Variants in PARD3B observed in about 807,000 individuals in gnomAD.
PARD3B encodes the protein partitioning defective 3 homolog B.
PARD3B carries 103 observed loss-of-function variants against 130.2 expected under a neutral mutation model. That is an observed-to-expected ratio of 0.79 (90% confidence interval 0.67 to 0.93). The LOEUF (loss-of-function observed/expected upper bound fraction) is 0.93. PARD3B is among the 40% of genes least tolerant of loss of function. The probability of loss-of-function intolerance (pLI) is 0.00; values close to 1 mark genes in which losing one functional copy is unlikely to be tolerated. For synonymous variants in PARD3B, 583 were observed against 553.2 expected (o/e 1.05, Z -0.76); for missense variants, 1,609 against 1,499.2 (o/e 1.07, Z -1.21).
chr2:204,566,473 C>A lies in PARD3B; in HGVS notation c.120+20354C>A, dbSNP rs149535869. Among the ~76,000 whole-genome samples, 414 of 152,236 alleles carry A rather than the reference C, an allele frequency of 2.7e-3. 2 individuals carry two copies. Among genetic ancestry groups the A allele is most frequent in the African/African-American group, 8.6e-3 (357 of 41,528 alleles). ...TTTCTCCAGCTAATGCAGTATGATA[C>A]CCTATAAGGTCTTTCAGTGGCTTTT... On this transcript the variant is annotated intron_variant, in intron 1 of 22. Transcript: ENST00000406610.
At chr2:204,727,583 C>T (rs987586286) in intron 2 of PARD3B, among the ~76,000 whole-genome samples, 4 of 152,122 alleles carry the variant, frequency 2.6e-5, no homozygotes, top group Non-Finnish European at 5.9e-5. Flanking sequence ...GCCATCCTGG[C>T]AGGCTGGAAA....
chr2:204,878,048 A>T (rs2045908258), intron 2 of PARD3B, among the ~76,000 whole-genome samples: 1 of 152,176 alleles, frequency 6.6e-6, no homozygotes, highest in Non-Finnish European at 1.5e-5. Context: ...TTTTTAAAAT[A>T]AAAATGTTAT....
chr2:204,669,344 A>G lies in PARD3B; in HGVS notation c.121-16837A>G, dbSNP rs1358848576. 6.6e-6 allele frequency among the ~76,000 whole-genome samples: 1 copy of G among 152,140 alleles called. No homozygotes were observed. Among genetic ancestry groups the G allele is most frequent in the Non-Finnish European group, 1.5e-5 (1 of 68,010 alleles). ...ATAAGGAGTAATTTTTTTTACCTAT[A>G]CAAAATTGGATAATTTGTTTTGCTA... On this transcript the variant is annotated intron_variant, in intron 1 of 22. Coordinates refer to ENST00000406610, the MANE Select transcript of PARD3B (RefSeq NM_001302769.2). The surrounding 1 kb of genome is among the most constrained non-coding windows in gnomAD (Gnocchi z 4.3).
intron 3 of PARD3B, among the ~76,000 whole-genome samples, chr2:205,024,233 T>C (rs1423150967): frequency 2.0e-5 from 3 of 149,728 alleles, no homozygotes; most frequent in Non-Finnish European, 4.4e-5. Flanking sequence ...AGTGGCGCGT[T>C]CTTGGCTCTC....
In PARD3B at chr2:205,121,685, A is replaced by AT. The variant is rs2030745759; in HGVS notation, c.903dup (p.Gly302TrpfsTer4). On this transcript the variant is annotated frameshift_variant, in exon 8 of 23. Transcript: ENST00000406610. LOFTEE classifies it high-confidence loss of function. This position sits in a 1 kb window ranked among gnomAD's most constrained non-coding sequence, Gnocchi z 5.0. ...CCGTGAACAGTATGAAAAGTCAGTC[A>AT]TTGGCTCTCTTAACATTTTTGGTAA... is the stretch of plus-strand genomic sequence containing the variant. The AT allele has an allele frequency of 6.2e-7, 1 of 1,614,074 alleles. No homozygotes were observed. Among genetic ancestry groups the AT allele is most frequent in the Admixed American group, 1.7e-5 (1 of 60,004 alleles).
At chr2:204,649,132 T>TC (rs2035393617) in intron 1 of PARD3B, among the ~76,000 whole-genome samples, 1 of 147,770 alleles carries the variant, frequency 6.8e-6, no homozygotes, top group Non-Finnish European at 1.5e-5. Flanking sequence ...TGTCTACAGT[T>TC]CTTGCACCAT....
chr2:205,432,478 A>T (rs751502878), intron 19 of PARD3B, among the ~76,000 whole-genome samples: 3 of 149,756 alleles, frequency 2.0e-5, no homozygotes, highest in Non-Finnish European at 4.4e-5. Context: ...CCAAATTCTC[A>T]CTCCCTCACA....
intron 18 of PARD3B, among the ~76,000 whole-genome samples, chr2:205,348,846 A>G (rs1448624069): frequency 6.6e-6 from 1 of 150,736 alleles, no homozygotes; most frequent in Non-Finnish European, 1.5e-5. Flanking sequence ...ACTGGAATAG[A>G]TACAAAATAG....
chr2:205,425,268 T>G (rs957209311), intron 19 of PARD3B, among the ~76,000 whole-genome samples: 1 of 152,218 alleles, frequency 6.6e-6, no homozygotes, highest in Non-Finnish European at 1.5e-5. Context: ...AAATGTTTAC[T>G]AAGCATTTCT....
rs1394919103 is a variant in PARD3B at position 205,160,503 on chromosome 2, C to G, written c.1620+1596C>G. ...CCACTGGTCAAAGCAAGTCATATGG[C>G]TGAGTCCAAGGTTGAGCAGTAGAAA... On this transcript the variant is annotated intron_variant, in intron 11 of 22. Transcript: ENST00000406610. This position sits in a 1 kb window ranked among gnomAD's most constrained non-coding sequence, Gnocchi z 4.0. Among the ~76,000 whole-genome samples the G allele has an allele frequency of 6.6e-6, 1 of 152,184 alleles. No individual in the cohort carries two copies.
chr2:204,758,449 G>A (rs2040768252), intron 2 of PARD3B, among the ~76,000 whole-genome samples: 1 of 152,144 alleles, frequency 6.6e-6, no homozygotes, highest in Admixed American at 6.6e-5. Context: ...TTGGAAATGG[G>A]ACAAGTTCAC....
intron 22 of PARD3B, among the ~76,000 whole-genome samples, chr2:205,606,892 A>C (rs1189093746): frequency 1.3e-5 from 2 of 152,114 alleles, no homozygotes; most frequent in Non-Finnish European, 2.9e-5. Context: ...CTCCACCTGC[A>C]TCAGAATCAC....
intron 22 of PARD3B, among the ~76,000 whole-genome samples, chr2:205,603,653 C>T (rs1157912052): frequency 1.3e-5 from 2 of 152,144 alleles, no homozygotes; most frequent in Admixed American, 1.3e-4. Flanking sequence ...TCTGTTTTGT[C>T]AGAAACCAGA....
chr2:205,322,672 A>T (rs1007412730), intron 18 of PARD3B, among the ~76,000 whole-genome samples: 4 of 152,102 alleles, frequency 2.6e-5, no homozygotes, highest in African/African-American at 9.7e-5. Context: ...AATATGAAGG[A>T]GTAGTAACGT....
chr2:205,176,686 G>A lies in PARD3B; in HGVS notation c.1924+109G>A. The stretch of plus-strand genomic sequence containing the variant: ...TAAAGGGGAGTTAATTAGACTAAGT[G>A]CAGACTTTGTTACTCGGAGTCACAA... On this transcript the variant is annotated intron_variant, in intron 13 of 22. Coordinates refer to ENST00000406610, the MANE Select transcript of PARD3B (RefSeq NM_001302769.2). The surrounding 1 kb of genome is among the most constrained non-coding windows in gnomAD (Gnocchi z 5.3). The A allele has an allele frequency of 1.6e-6, 2 of 1,221,076 alleles. No homozygotes were observed. Among genetic ancestry groups the A allele is most frequent in the Non-Finnish European group, 2.2e-6 (2 of 907,556 alleles). 75.6% of individuals were successfully genotyped at this position (1,221,076 alleles called of 1,614,324 possible).
intron 11 of PARD3B, among the ~76,000 whole-genome samples, chr2:205,166,746 A>G (rs1226531708): frequency 2.6e-5 from 4 of 152,152 alleles, no homozygotes; most frequent in Non-Finnish European, 4.4e-5. Flanking sequence ...CGTTGAAGAT[A>G]ATTCTCTCCC....
At chr2:204,761,164 A>G (rs2040881028) in intron 2 of PARD3B, among the ~76,000 whole-genome samples, 2 of 152,216 alleles carry the variant, frequency 1.3e-5, no homozygotes, top group Non-Finnish European at 2.9e-5. Context: ...AATGTCCACA[A>G]TCATTGTATG....
rs1328453536 is a variant in PARD3B, at chr2:205,146,005, G to A, written c.1435-12717G>A. 1.3e-5 allele frequency among the ~76,000 whole-genome samples: 2 copies of A among 152,100 alleles called. No individual in the cohort carries two copies. Among genetic ancestry groups the A allele is most frequent in the African/African-American group, 4.8e-5 (2 of 41,418 alleles). On this transcript the variant is annotated intron_variant, in intron 10 of 22. Coordinates refer to ENST00000406610, the MANE Select transcript of PARD3B (RefSeq NM_001302769.2). This position sits in a 1 kb window ranked among gnomAD's most constrained non-coding sequence, Gnocchi z 4.3. Reference sequence around the variant, plus strand: ...GCCAGCCCTAAATGGGCACAGCCTTGGGCCAGACCTCCTGGGGAAGCGCCA... The same window carrying A: ...GCCAGCCCTAAATGGGCACAGCCTTAGGCCAGACCTCCTGGGGAAGCGCCA...
At chr2:204,849,740 T>C (rs1272000017) in intron 2 of PARD3B, among the ~76,000 whole-genome samples, 3 of 152,226 alleles carry the variant, frequency 2.0e-5, no homozygotes, top group Non-Finnish European at 4.4e-5. Context: ...AATGCTGTTC[T>C]TCCTTTCTAA....
Sources: gnomAD v4.1 joint callset for allele counts (sites outside exome capture counted in the v4.1 genomes callset) on GRCh38, gnomAD v4.1.1 for gene constraint, Gnocchi (gnomAD v3.1) non-coding constraint, MANE v1.5 for transcripts, NCBI Gene and HGNC (gene_info 2026-07-23, HGNC 2026-07-21) for gene names.